The following DTX3L variants were observed in gnomAD, a reference collection of about 807,000 sequenced individuals.
DTX3L encodes the protein deltex E3 ubiquitin ligase 3L.
DTX3L carries 34 observed loss-of-function variants against 60.9 expected under a neutral mutation model. The ratio of observed to expected loss-of-function variants is 0.56; its 90% CI spans 0.42 to 0.74. DTX3L has a LOEUF of 0.74. DTX3L is among the 30% of genes least tolerant of loss of function. The pLI is 0.00. For missense variants in DTX3L, 810 were observed against 874.0 expected (o/e 0.93, Z 0.92); for synonymous variants, 290 against 316.6 (o/e 0.92, Z 0.89).
chr3:122,569,704 T>C lies in DTX3L; in HGVS notation c.1615T>C (p.Ser539Pro). 1 of 1,614,054 alleles carries C rather than the reference T, an allele frequency of 6.2e-7. No individual in the cohort carries two copies. The highest frequency in any genetic ancestry group is 8.5e-7 in the Non-Finnish European group (1 of 1,180,012). ...TGATAGCGATGATTCCAAAGCAGCT[T>C]CTCCGCCACTCAAGGGCTCTGTGAG... ...DIDSDDSKAA[S>P]PPLKGSVSSE... Residue 539 changes from serine to proline, a missense_variant, in exon 3 of 5, where the codon TCT becomes CCT. Ser to Pro is a moderately conservative substitution (Grantham distance 74). Transcript: ENST00000296161.
At position 122,566,053 on chromosome 3, in the gene DTX3L, G is replaced by A. The variant is rs1262336274; in HGVS notation, c.382G>A (p.Asp128Asn). 26 of 1,614,144 alleles carry A rather than the reference G, an allele frequency of 1.6e-5. No homozygotes were observed. The highest frequency in any genetic ancestry group is 2.2e-5 in the Non-Finnish European group (26 of 1,180,030). ...TGAAGGACATATTCCTAATGCTGTG[G>A]ATTCCTGTCTCCAAAAGGTGAGTAT... ...QHEGHIPNAV[D>N]SCLQKIFLTV... The change falls in exon 2 of 5, where the codon GAT (aspartate) becomes AAT (asparagine). Residue 128 changes from aspartate to asparagine, a missense_variant. Coordinates refer to ENST00000296161, the MANE Select transcript of DTX3L (RefSeq NM_138287.3).
intron 2 of DTX3L, among the ~76,000 whole-genome samples, 184 bp from the exon 3 acceptor site, chr3:122,568,305 A>G (rs1022710940): frequency 1.4e-5 from 2 of 145,110 alleles, no homozygotes; most frequent in African/African-American, 5.2e-5. Context: ...GTGAAACTCC[A>G]TCTTGAAATA....
At chr3:122,568,193 C>T (rs1576459278) in intron 2 of DTX3L, among the ~76,000 whole-genome samples, 1 of 152,264 alleles carries the variant, frequency 6.6e-6, no homozygotes. Context: ...CCTATAATCC[C>T]AGCTACTCAG....
intron 2 of DTX3L, 46 bp from the exon 3 acceptor site, chr3:122,568,443 G>A (rs575205282): frequency 1.6e-5 from 23 of 1,477,532 alleles, no homozygotes; most frequent in African/African-American, 1.3e-4. Context: ...TGGTAGGCCT[G>A]CATGCTGAGA....
Position 122,568,593 on chromosome 3 carries a change from C to G in DTX3L, c.504C>G (p.His168Gln). 1 of 1,614,102 alleles carries G rather than the reference C, an allele frequency of 6.2e-7. No homozygotes were observed. The highest frequency in any genetic ancestry group is 8.5e-7 in the Non-Finnish European group (1 of 1,180,020). Residue 168 changes from histidine to glutamine, a missense_variant, in exon 3 of 5, where the codon CAC (histidine) becomes CAG (glutamine). By Grantham distance (24) the His-to-Gln change is conservative. Coordinates refer to ENST00000296161, the MANE Select transcript of DTX3L (RefSeq NM_138287.3). Reference protein sequence around the residue: ...LCPSIRKMEGHDGIEKVCGDF... With the variant: ...LCPSIRKMEGQDGIEKVCGDF... ...CTAGTATCAGAAAAATGGAAGGTCACGATGGAATTGAGAAGGTGTGTGGTG... is the reference window on the plus strand; with the variant it reads ...CTAGTATCAGAAAAATGGAAGGTCAGGATGGAATTGAGAAGGTGTGTGGTG...
At position 122,569,685 on chromosome 3, in the gene DTX3L, C is replaced by T. The variant is rs370064697; in HGVS notation, c.1596C>T (p.Ser532=). 4.0e-5 allele frequency: 65 copies of T among 1,614,090 alleles called. No homozygotes were observed. The highest frequency in any genetic ancestry group is 8.9e-5 in the East Asian group (4 of 44,868). Reference sequence around the variant, plus strand: ...ATGAAACACCGATGGACATTGATAGCGATGATTCCAAAGCAGCTTCTCCGC... The same window carrying T: ...ATGAAACACCGATGGACATTGATAGTGATGATTCCAAAGCAGCTTCTCCGC... ...EGHETPMDID[S]DDSKAASPPL... The change falls in exon 3 of 5, where the codon AGC becomes AGT. Residue 532 remains serine (S), a synonymous_variant. Coordinates refer to ENST00000296161, the MANE Select transcript of DTX3L (RefSeq NM_138287.3).
chr3:122,569,709 GC>G lies in DTX3L; in HGVS notation c.1622del (p.Pro541HisfsTer6). The part of the protein sequence containing the change: ...DSDDSKAASP[P>X]LKGSVSSEAS... ...GCGATGATTCCAAAGCAGCTTCTCC[GC>G]CACTCAAGGGCTCTGTGAGTTCTGA... On this transcript the variant is annotated frameshift_variant, in exon 3 of 5. Coordinates refer to ENST00000296161, the MANE Select transcript of DTX3L (RefSeq NM_138287.3). LOFTEE classifies it high-confidence loss of function. The G allele has an allele frequency of 6.2e-7, 1 of 1,614,144 alleles. No homozygotes were observed. The highest frequency in any genetic ancestry group is 8.5e-7 in the Non-Finnish European group (1 of 1,180,022).
At chr3:122,565,777 C>A in intron 1 of DTX3L, 82 bp from the exon 2 acceptor site, 2 of 1,401,682 alleles carry the variant, frequency 1.4e-6, no homozygotes, top group Admixed American at 1.8e-5. Flanking sequence ...GGGCAGAGTA[C>A]AGACACAGGA....
chr3:122,569,545 A>G lies in DTX3L; in HGVS notation c.1456A>G (p.Asn486Asp). 1 of 1,614,254 alleles carries G rather than the reference A, an allele frequency of 6.2e-7. No individual in the cohort carries two copies. ...ACATCCAAATGTACACTTTGTGCTA[A>G]ATCAAGAGTCAATGACTTTGACTGG... is the stretch of plus-strand genomic sequence containing the variant. ...KRHPNVHFVL[N>D]QESMTLTGLP... The change falls in exon 3 of 5, where the codon AAT becomes GAT. Residue 486 changes from asparagine to aspartate, a missense_variant. Asn to Asp is a conservative substitution (Grantham distance 23). Coordinates refer to ENST00000296161, the MANE Select transcript of DTX3L (RefSeq NM_138287.3).
At chr3:122,571,279 T>C (rs2080644194) in intron 4 of DTX3L, among the ~76,000 whole-genome samples, 1 of 152,214 alleles carries the variant, frequency 6.6e-6, no homozygotes, top group African/African-American at 2.4e-5. Context: ...CAGTATATTA[T>C]TATATTTTTA....
In DTX3L at chr3:122,574,268, TA is replaced by T. The variant is rs2080667834; in HGVS notation, c.*2525del. Reference sequence around the variant, plus strand: ...TCCCACCAATTCATGTTTTCACCCTTAAAATCTTTCTCACTGATACTCTCTC... The same window carrying T: ...TCCCACCAATTCATGTTTTCACCCTTAAATCTTTCTCACTGATACTCTCTC... On this transcript the variant is annotated 3_prime_UTR_variant, in exon 5 of 5. Transcript: ENST00000296161. 1 of 152,178 alleles carries T rather than the reference TA, an allele frequency of 6.6e-6. No homozygotes were observed. The highest frequency in any genetic ancestry group is 6.5e-5 in the Admixed American group (1 of 15,276). 9.4% of individuals were successfully genotyped at this position (152,178 alleles called of 1,614,324 possible).
In DTX3L at chr3:122,564,465, G is replaced by A; in HGVS notation, c.39G>A (p.Val13=). ...TGCGCCCGCCGTCCCCGCTCCTCGT[G>A]CGGGTGTACAAGTCCGGCCCCCGAG... ...SHLRPPSPLL[V]RVYKSGPRVR... is the part of the protein sequence containing the mutation. The change falls in exon 1 of 5, where the codon GTG becomes GTA. Residue 13 remains valine (V), a synonymous_variant. Coordinates refer to ENST00000296161, the MANE Select transcript of DTX3L (RefSeq NM_138287.3). 3 of 1,612,412 alleles carry A rather than the reference G, an allele frequency of 1.9e-6. No individual in the cohort carries two copies. The highest frequency in any genetic ancestry group is 2.5e-6 in the Non-Finnish European group (3 of 1,179,350).
At position 122,564,619 on chromosome 3, in the gene DTX3L, C is replaced by A; in HGVS notation, c.187+6C>A. 1 of 1,579,304 alleles carries A rather than the reference C, an allele frequency of 6.3e-7. No individual in the cohort carries two copies. The highest frequency in any genetic ancestry group is 8.6e-7 in the Non-Finnish European group (1 of 1,165,228). On this transcript the variant is annotated splice_donor_region_variant and intron_variant, in intron 1 of 4. Transcript: ENST00000296161. ...GGAGTTCAGTGAAAGGGCAGGTGAG[C>A]TTCGGGCGGCCAGGCTGCGAAAGCC... is the stretch of plus-strand genomic sequence containing the variant.
Position 122,568,697 on chromosome 3 carries a change from C to G in DTX3L, c.608C>G (p.Pro203Arg), listed in dbSNP as rs1423413410. ...LESEQKQQFSPSMTERKPLSQ... is the reference protein window; with the variant it reads ...LESEQKQQFSRSMTERKPLSQ... Reference sequence around the variant, plus strand: ...AGTGAGCAGAAACAACAATTTTCCCCTTCAATGACAGAGAGGAAGCCACTC... The same window carrying G: ...AGTGAGCAGAAACAACAATTTTCCCGTTCAATGACAGAGAGGAAGCCACTC... The change falls in exon 3 of 5, where the codon CCT becomes CGT. Residue 203 changes from proline (P) to arginine (R), a missense_variant. Coordinates refer to ENST00000296161, the MANE Select transcript of DTX3L (RefSeq NM_138287.3). 1 of 1,614,002 alleles carries G rather than the reference C, an allele frequency of 6.2e-7. No homozygotes were observed. Among genetic ancestry groups the G allele is most frequent in the Non-Finnish European group, 8.5e-7 (1 of 1,180,036 alleles).
At chr3:122,570,814 A>G (rs1309104832) in intron 4 of DTX3L, 142 bp downstream of exon 4, 3 of 849,284 alleles carry the variant, frequency 3.5e-6, no homozygotes, top group East Asian at 5.3e-5. Context: ...TGGTAATCTC[A>G]AAGACAGAAA....
chr3:122,566,148 C>CATGGGTGTTGGAT, intron 2 of DTX3L, 78 bp downstream of exon 2: 2 of 1,344,942 alleles, frequency 1.5e-6, no homozygotes, highest in Non-Finnish European at 2.1e-6. Context: ...TGATCCAACA[C>CATGGGTGTTGGAT]CCATGTGCTG....
chr3:122,565,363 T>G lies in DTX3L; in HGVS notation c.188-496T>G, dbSNP rs148538543. Among the ~76,000 whole-genome samples, 483 of 151,608 alleles carry G rather than the reference T, an allele frequency of 3.2e-3. 1 individual carries two copies. The highest frequency in any genetic ancestry group is 0.011 in the African/African-American group (466 of 41,316). ...TCCGTCTCTACTAATAATACAAAAA[T>G]TACCCGGGCATGGTGGTGCGCACCT... On this transcript the variant is annotated intron_variant, in intron 1 of 4. Coordinates refer to ENST00000296161, the MANE Select transcript of DTX3L (RefSeq NM_138287.3).
chr3:122,568,169 C>T (rs766303118), intron 2 of DTX3L, among the ~76,000 whole-genome samples: 2 of 152,044 alleles, frequency 1.3e-5, no homozygotes, highest in African/African-American at 4.8e-5. Context: ...ATTAGCCGGG[C>T]GTGGTGGCAC....
Position 122,571,792 on chromosome 3 carries a change from T to C in DTX3L, c.*45T>C, listed in dbSNP as rs1359319326. On this transcript the variant is annotated 3_prime_UTR_variant, in exon 5 of 5. Transcript: ENST00000296161. ...CTTAAATCAAGCTTTCAAAAAAATATATTTTAGGAGGCTGATTTAATGCCA... is the reference window on the plus strand; with the variant it reads ...CTTAAATCAAGCTTTCAAAAAAATACATTTTAGGAGGCTGATTTAATGCCA... 6.5e-7 allele frequency: 1 copy of C among 1,527,338 alleles called. No homozygotes were observed. The highest frequency in any genetic ancestry group is 9.0e-7 in the Non-Finnish European group (1 of 1,116,954). The allele number at this position is 1,527,338 out of a possible 1,614,324, so 94.6% of individuals were successfully genotyped here. A position where few individuals can be genotyped will look rare whatever the true frequency, so the allele number is the denominator to read the frequency against.
Sources: allele counts gnomAD v4.1 joint callset (sites outside exome capture counted in the v4.1 genomes callset), GRCh38; gene constraint gnomAD v4.1.1; transcripts MANE v1.5; gene names NCBI Gene and HGNC (gene_info 2026-07-23, HGNC 2026-07-21).